The following SGCZ variants were observed in gnomAD, a reference collection of about 807,000 sequenced individuals.
SGCZ encodes zeta-sarcoglycan.
A neutral mutation model predicts 41.3 loss-of-function variants in SGCZ; 40 were observed. The ratio of observed to expected loss-of-function variants is 0.97; its 90% CI spans 0.75 to 1.26. The LOEUF is 1.26. Ranked by LOEUF, SGCZ falls within the 50% of genes most tolerant of loss-of-function variation. SGCZ has a pLI of 0.00. For missense variants in SGCZ, 552 were observed against 369.8 expected (o/e 1.49, Z -4.04); for synonymous variants, 206 against 137.5 (o/e 1.50, Z -3.49).
intron 1 of SGCZ, among the ~76,000 whole-genome samples, chr8:15,216,278 G>A (rs577634783): frequency 2.1e-5 from 3 of 143,444 alleles, no homozygotes; most frequent in East Asian, 2.1e-4. Context: ...GGAGTGCAGC[G>A]GCACGATCTC....
Position 15,237,643 on chromosome 8 carries a change from T to A in SGCZ, c.-20A>T. On this transcript the variant is annotated 5_prime_UTR_variant, in exon 1 of 8. Coordinates refer to ENST00000382080, the MANE Select transcript of SGCZ (RefSeq NM_139167.4). ...GTCCATGGAGCGCAACTAAACGAAG[T>A]GGAGAGGAACCGGGCGAGTGGCACC... is the stretch of plus-strand genomic sequence containing the variant. 6.3e-7 allele frequency: 1 copy of A among 1,578,772 alleles called. No homozygotes were observed. Among genetic ancestry groups the A allele is most frequent in the East Asian group, 2.3e-5 (1 of 43,484 alleles).
chr8:14,801,804 C>A (rs1008215957), intron 1 of SGCZ, among the ~76,000 whole-genome samples: 4 of 150,078 alleles, frequency 2.7e-5, no homozygotes, highest in African/African-American at 9.7e-5. Flanking sequence ...AAAAAGAGCA[C>A]CAAATTTTTA....
At chr8:14,832,530 T>C (rs1051963953) in intron 1 of SGCZ, among the ~76,000 whole-genome samples, 10 of 152,168 alleles carry the variant, frequency 6.6e-5, no homozygotes, top group Non-Finnish European at 1.2e-4. Flanking sequence ...TTTCCTTCTG[T>C]GTAAATTTGT....
chr8:14,494,434 A>C (rs1430626921), intron 2 of SGCZ, among the ~76,000 whole-genome samples: 1 of 152,180 alleles, frequency 6.6e-6, no homozygotes, highest in East Asian at 1.9e-4. Flanking sequence ...AAGAAGAATG[A>C]TATTTCACTC....
intron 2 of SGCZ, among the ~76,000 whole-genome samples, chr8:14,457,931 CTT>C (rs1474507125): frequency 2.0e-5 from 3 of 152,240 alleles, no homozygotes; most frequent in African/African-American, 7.2e-5. Context: ...CCTCTTGTCT[CTT>C]TGTCTTGTGT....
intron 1 of SGCZ, among the ~76,000 whole-genome samples, chr8:14,938,511 T>C (rs1800159230): frequency 6.6e-6 from 1 of 152,214 alleles, no homozygotes; most frequent in African/African-American, 2.4e-5. Context: ...TTCTTTTTAC[T>C]AGCTTACTTT....
intron 1 of SGCZ, among the ~76,000 whole-genome samples, chr8:14,743,349 G>C (rs1016808948): frequency 3.3e-5 from 5 of 151,666 alleles, no homozygotes; most frequent in African/African-American, 1.2e-4. Context: ...TAACCATATT[G>C]CTTAAGACTG....
intron 1 of SGCZ, among the ~76,000 whole-genome samples, chr8:15,147,766 T>G (rs896277823): frequency 5.9e-5 from 9 of 152,182 alleles, no homozygotes; most frequent in African/African-American, 1.9e-4. Flanking sequence ...AAGGACACAG[T>G]TCACACTCTT....
chr8:14,275,566 T>C (rs1391454381), intron 3 of SGCZ, among the ~76,000 whole-genome samples: 1 of 152,136 alleles, frequency 6.6e-6, no homozygotes, highest in Non-Finnish European at 1.5e-5. Flanking sequence ...GTGTCAGGGT[T>C]TAGGGGAAAC....
intron 1 of SGCZ, among the ~76,000 whole-genome samples, chr8:14,615,746 T>G (rs2117353482): frequency 6.6e-6 from 1 of 152,216 alleles, no homozygotes; most frequent in East Asian, 1.9e-4. Context: ...TTCAAATATG[T>G]TTTATCACAA....
chr8:14,355,259 C>T (rs145205090), intron 2 of SGCZ, among the ~76,000 whole-genome samples: 10 of 152,072 alleles, frequency 6.6e-5, no homozygotes, highest in African/African-American at 2.4e-4. Flanking sequence ...AGCAGTAAAA[C>T]AGGAGCACAA....
At chr8:14,662,149 C>CT (rs1807775054) in intron 1 of SGCZ, among the ~76,000 whole-genome samples, 2 of 146,772 alleles carry the variant, frequency 1.4e-5, no homozygotes, top group African/African-American at 5.2e-5. Flanking sequence ...CTACTCTCTC[C>CT]CCTTCTCACT....
At chr8:14,531,263 A>C (rs1167410653) in intron 2 of SGCZ, among the ~76,000 whole-genome samples, 1 of 118,178 alleles carries the variant, frequency 8.5e-6, no homozygotes, top group Non-Finnish European at 1.9e-5. Flanking sequence ...CAGCCTCTTA[A>C]CTGGCAATCC....
intron 1 of SGCZ, among the ~76,000 whole-genome samples, chr8:14,563,312 G>A (rs537425551): frequency 5.3e-5 from 8 of 152,220 alleles, no homozygotes; most frequent in Non-Finnish European, 1.2e-4. Flanking sequence ...AATGGAAGTG[G>A]AAGAAGGAGG....
intron 1 of SGCZ, among the ~76,000 whole-genome samples, chr8:14,898,372 G>A (rs886336780): frequency 6.6e-6 from 1 of 152,196 alleles, no homozygotes; most frequent in Non-Finnish European, 1.5e-5. Flanking sequence ...AAACAGCCGA[G>A]GCTGCCGCTG....
In SGCZ at chr8:14,237,642, G is replaced by A. The variant is rs777949685; in HGVS notation, c.374C>T (p.Thr125Ile). Residue 125 changes from threonine (T) to isoleucine (I), a missense_variant, in exon 4 of 8, where the codon ACA becomes ATA. Coordinates refer to ENST00000382080, the MANE Select transcript of SGCZ (RefSeq NM_139167.4). ...CCCCATGTGATTTCTTGCATTCACTGTGACATTCCTGTCAGACTGTAAGAC... is the reference window on the plus strand; with the variant it reads ...CCCCATGTGATTTCTTGCATTCACTATGACATTCCTGTCAGACTGTAAGAC... ...PLVLQSDRNV[T>I]VNARNHMGQL... 2 of 1,613,792 alleles carry A rather than the reference G, an allele frequency of 1.2e-6. No individual in the cohort carries two copies. Among genetic ancestry groups the A allele is most frequent in the Non-Finnish European group, 1.7e-6 (2 of 1,179,836 alleles).
At position 14,947,319 on chromosome 8, in the gene SGCZ, T is replaced by C. The variant is rs368124369; in HGVS notation, c.39+290266A>G. Among the ~76,000 whole-genome samples, 38 of 152,346 alleles carry C rather than the reference T, an allele frequency of 2.5e-4. No homozygotes were observed. The East Asian group carries it at 6.8e-3, about 27-fold the overall frequency. ...GGATTTGGTTGGATGGCACCGTTTT[T>C]ATCAGTGGCTGACATCAAACAGTGA... On this transcript the variant is annotated intron_variant, in intron 1 of 7. Transcript: ENST00000382080.
At chr8:14,308,882 G>A (rs951551435) in intron 3 of SGCZ, among the ~76,000 whole-genome samples, 1 of 152,088 alleles carries the variant, frequency 6.6e-6, no homozygotes, top group Non-Finnish European at 1.5e-5. Context: ...TAAAATGTCT[G>A]TTTGATATTC....
intron 1 of SGCZ, among the ~76,000 whole-genome samples, chr8:15,143,205 T>C (rs979629250): frequency 6.6e-6 from 1 of 152,230 alleles, no homozygotes; most frequent in Non-Finnish European, 1.5e-5. Flanking sequence ...GATTGTCTGC[T>C]ACAAACATAA....
Sources: gnomAD v4.1 joint callset for allele counts (sites outside exome capture counted in the v4.1 genomes callset) on GRCh38, gnomAD v4.1.1 for gene constraint, MANE v1.5 for transcripts, NCBI Gene and HGNC (gene_info 2026-07-23, HGNC 2026-07-21) for gene names.